Variants in PGCKA1 observed in about 807,000 individuals in gnomAD.
PGCKA1 encodes the protein PDCD10 and GCKIII kinases-associated protein 1.
the PGCKA1 span, among the ~76,000 whole-genome samples, chr4:37,499,779 T>A: frequency 6.6e-6 from 1 of 152,024 alleles, no homozygotes; most frequent in Non-Finnish European, 1.5e-5. Context: ...TTTTGAATGG[T>A]TTTTCATCTC....
chr4:37,482,608 A>T, the PGCKA1 span, among the ~76,000 whole-genome samples: 1 of 152,338 alleles, frequency 6.6e-6, no homozygotes, highest in South Asian at 2.1e-4. Context: ...GAGAAAGTCA[A>T]GCCAGCTGCA....
At chr4:37,554,926 C>T in the PGCKA1 span, among the ~76,000 whole-genome samples, 1 of 152,144 alleles carries the variant, frequency 6.6e-6, no homozygotes, top group South Asian at 2.1e-4. Flanking sequence ...TGTAGAAGGC[C>T]TTGAATGCAT....
chr4:37,489,072 TC>T, the PGCKA1 span, among the ~76,000 whole-genome samples: 1 of 152,070 alleles, frequency 6.6e-6, no homozygotes, highest in African/African-American at 2.4e-5. Flanking sequence ...TACGCAGAGG[TC>T]CTGGAAGATT....
At chr4:37,504,626 T>C in the PGCKA1 span, among the ~76,000 whole-genome samples, 1 of 152,178 alleles carries the variant, frequency 6.6e-6, no homozygotes, top group African/African-American at 2.4e-5. Flanking sequence ...ATAGTTTTCA[T>C]TGTAGAGCTC....
chr4:37,571,043 C>T, the PGCKA1 span, among the ~76,000 whole-genome samples: 1 of 152,180 alleles, frequency 6.6e-6, no homozygotes, highest in Non-Finnish European at 1.5e-5. Flanking sequence ...TGTCATTCAG[C>T]GCCATTCCTT....
the PGCKA1 span, among the ~76,000 whole-genome samples, chr4:37,460,110 G>C: frequency 1.1e-4 from 17 of 152,168 alleles, no homozygotes; most frequent in East Asian, 3.1e-3. Flanking sequence ...TCCTGTGTTA[G>C]TTTGCTGAGG....
chr4:37,568,895 G>T, the PGCKA1 span, among the ~76,000 whole-genome samples: 3 of 152,122 alleles, frequency 2.0e-5, no homozygotes, highest in Non-Finnish European at 2.9e-5. Flanking sequence ...AGAGATTACA[G>T]CCTGGGCAAC....
the PGCKA1 span, among the ~76,000 whole-genome samples, chr4:37,587,015 A>G: frequency 6.6e-6 from 1 of 152,084 alleles, no homozygotes; most frequent in Non-Finnish European, 1.5e-5. Context: ...AGGGGTGGGT[A>G]TCAGGGATCA....
chr4:37,551,943 A>T, the PGCKA1 span, among the ~76,000 whole-genome samples: 1 of 152,262 alleles, frequency 6.6e-6, no homozygotes, highest in Non-Finnish European at 1.5e-5. Context: ...AATAAGAGTG[A>T]GAACTCCCAC....
the PGCKA1 span, among the ~76,000 whole-genome samples, chr4:37,485,107 T>G: frequency 6.6e-6 from 1 of 152,258 alleles, no homozygotes; most frequent in Non-Finnish European, 1.5e-5. Flanking sequence ...CCTATGTTTC[T>G]AGTTTCAGCT....
the PGCKA1 span, among the ~76,000 whole-genome samples, chr4:37,553,486 T>C: frequency 6.6e-6 from 1 of 152,338 alleles, no homozygotes; most frequent in East Asian, 1.9e-4. Context: ...AATTTTTGCA[T>C]AATATATTGC....
the PGCKA1 span, among the ~76,000 whole-genome samples, chr4:37,549,866 A>G: frequency 6.6e-6 from 1 of 152,144 alleles, no homozygotes; most frequent in Non-Finnish European, 1.5e-5. Context: ...CTCCAGTCAC[A>G]CCCAGAAGCT....
chr4:37,550,043 A>G, the PGCKA1 span, among the ~76,000 whole-genome samples: 2 of 152,284 alleles, frequency 1.3e-5, no homozygotes, highest in South Asian at 2.1e-4. Context: ...CTACAGTCCT[A>G]TTGTTTTACA....
chr4:37,501,725 A>G, the PGCKA1 span, among the ~76,000 whole-genome samples: 93 of 152,286 alleles, frequency 6.1e-4, no homozygotes, highest in African/African-American at 2.2e-3. Flanking sequence ...AGTGATCTTC[A>G]TTCCTATCCA....
chr4:37,463,159 T>G, the PGCKA1 span, among the ~76,000 whole-genome samples: 1 of 152,062 alleles, frequency 6.6e-6, no homozygotes, highest in African/African-American at 2.4e-5. Context: ...TGTCCTGTGC[T>G]TTTTCACTCA....
chr4:37,467,597 G>A, the PGCKA1 span, among the ~76,000 whole-genome samples: 1 of 152,166 alleles, frequency 6.6e-6, no homozygotes, highest in Non-Finnish European at 1.5e-5. Flanking sequence ...AAGGACTAAT[G>A]GGGTGGCCAA....
the PGCKA1 span, among the ~76,000 whole-genome samples, chr4:37,585,628 T>TGAGGAGAGGTGTTGAGGAAGGAGAGGGGA: frequency 6.7e-5 from 1 of 14,970 alleles, no homozygotes; most frequent in African/African-American, 2.3e-4. Context: ...AGGAGAGGGG[T>TGAGGAGAGGTGTTGAGGAAGGAGAGGGGA]GAGGAGAGGT....
chr4:37,580,511 T>C, the PGCKA1 span, among the ~76,000 whole-genome samples: 1 of 152,202 alleles, frequency 6.6e-6, no homozygotes, highest in African/African-American at 2.4e-5. Flanking sequence ...AGTAATGCTA[T>C]GGTTCTTGCA....
the PGCKA1 span, among the ~76,000 whole-genome samples, chr4:37,565,407 A>G: frequency 6.6e-6 from 1 of 152,152 alleles, no homozygotes; most frequent in Non-Finnish European, 1.5e-5. Context: ...CAACACGGGC[A>G]GCCTCTGGAT....
Sources: gnomAD v4.1 joint callset for allele counts (sites outside exome capture counted in the v4.1 genomes callset) on GRCh38, gnomAD v4.1.1 for gene constraint, MANE v1.5 for transcripts, NCBI Gene and HGNC (gene_info 2026-07-23, HGNC 2026-07-21) for gene names.